The following ERICH1 variants were observed in gnomAD, a reference collection of about 807,000 sequenced individuals.
The protein encoded by ERICH1 is glutamate-rich protein 1.
A neutral mutation model predicts 39.6 loss-of-function variants in ERICH1; 56 were observed. The observed-to-expected ratio is 1.41, with a 90% confidence interval of 1.14 to 1.77. The LOEUF is 1.77. Among genes scored for constraint, ERICH1 ranks in the 40% most tolerant of loss-of-function variants. The pLI, the probability that ERICH1 is intolerant of heterozygous loss-of-function variation, is 0.00. For missense variants in ERICH1, 826 were observed against 575.4 expected, an observed-to-expected ratio of 1.44 and a Z score of -4.45; for synonymous variants, 313 against 223.6, an observed-to-expected ratio of 1.40 and a Z score of -3.57.
intron 1 of ERICH1, among the ~76,000 whole-genome samples, chr8:727,015 C>T (rs1475110403): frequency 2.0e-5 from 3 of 151,226 alleles, no homozygotes; most frequent in Admixed American, 6.6e-5. Flanking sequence ...CAGGCACACA[C>T]ATGCATGCAC....
At chr8:693,326 T>A (rs1288266978) in intron 2 of ERICH1, among the ~76,000 whole-genome samples, 1 of 152,238 alleles carries the variant, frequency 6.6e-6, no homozygotes, top group Non-Finnish European at 1.5e-5. Context: ...AAGTTATACA[T>A]TTGTATCTTA....
At chr8:624,960 T>A (rs1797517812) in intron 3 of ERICH1, among the ~76,000 whole-genome samples, 1 of 152,104 alleles carries the variant, frequency 6.6e-6, no homozygotes, top group South Asian at 2.1e-4. Flanking sequence ...TCTCCTGACC[T>A]CGTGATCCGC....
intron 3 of ERICH1, among the ~76,000 whole-genome samples, chr8:622,873 G>A (rs574366499): frequency 5.1e-4 from 78 of 152,018 alleles, no homozygotes; most frequent in Admixed American, 1.8e-3. Flanking sequence ...TGGAAGGATT[G>A]CTTGAGCCCA....
rs75475163 is a variant in ERICH1, at chr8:704,663, A to T, written c.169+11198T>A. Among the ~76,000 whole-genome samples, 155 of 152,302 alleles carry T rather than the reference A, an allele frequency of 1.0e-3. 4 individuals carry two copies. In the East Asian group the frequency reaches 0.027, roughly 26 times the overall value. On this transcript the variant is annotated intron_variant, in intron 2 of 5. Transcript: ENST00000262109. ...ATTGGAAGGACGGGGGTTGTAAAAA[A>T]TGTGCATCCATGGTGGGGGAAGCTG...
chr8:725,380 C>G (rs1054051571), intron 1 of ERICH1: 1 of 153,356 alleles, frequency 6.5e-6, no homozygotes, highest in African/African-American at 2.4e-5. Flanking sequence ...ACGGTGCTGC[C>G]GCCCACTTTA....
intron 3 of ERICH1, among the ~76,000 whole-genome samples, chr8:684,985 C>T (rs1451815322): frequency 1.3e-5 from 2 of 152,194 alleles, no homozygotes; most frequent in South Asian, 2.1e-4. Flanking sequence ...ACTGTGCATA[C>T]ATTGTCATTG....
At chr8:668,005 T>G (rs1464784563) in intron 5 of ERICH1, 1 of 164,706 alleles carries the variant, frequency 6.1e-6, no homozygotes, top group African/African-American at 2.4e-5. Context: ...GGTGGGCTGC[T>G]CTGCACTCAG....
Position 715,946 on chromosome 8 carries a change from C to T in ERICH1, c.84G>A (p.Arg28=). The T allele has an allele frequency of 6.2e-7, 1 of 1,613,932 alleles. No individual in the cohort carries two copies. The highest frequency in any genetic ancestry group is 8.5e-7 in the Non-Finnish European group (1 of 1,179,918). ...FPPVPSGQGK[R]EPQTLAVQNP... ...TTTGGACGGCCAGCGTCTGGGGTTC[C>T]CTCTTTCCTTGGCCACTTGGAACAG... Residue 28 remains arginine, a synonymous_variant, in exon 2 of 6, where the codon AGG becomes AGA. Transcript: ENST00000262109.
intron 3 of ERICH1, among the ~76,000 whole-genome samples, chr8:638,683 T>A (rs961785260): frequency 2.6e-5 from 4 of 152,182 alleles, no homozygotes; most frequent in Admixed American, 6.5e-5. Flanking sequence ...GTCTCCTGCC[T>A]TATGATAGCT....
intron 3 of ERICH1, among the ~76,000 whole-genome samples, chr8:686,192 T>C (rs1451743833): frequency 2.0e-5 from 3 of 152,070 alleles, no homozygotes; most frequent in East Asian, 3.9e-4. Flanking sequence ...TACCTTTTTT[T>C]CTCAGATACT....
At chr8:624,177 T>C (rs564685719) in intron 3 of ERICH1, among the ~76,000 whole-genome samples, 2 of 151,900 alleles carry the variant, frequency 1.3e-5, no homozygotes, top group South Asian at 4.2e-4. Flanking sequence ...AAAATGCAAA[T>C]CGAAACCACA....
intron 1 of ERICH1, among the ~76,000 whole-genome samples, chr8:727,657 G>A (rs1175328676): frequency 2.6e-5 from 4 of 152,220 alleles, no homozygotes; most frequent in Non-Finnish European, 4.4e-5. Context: ...TGTTCCCCAG[G>A]CTGACACCAG....
chr8:641,928 G>T (rs1439779485), intron 3 of ERICH1, among the ~76,000 whole-genome samples: 2 of 152,208 alleles, frequency 1.3e-5, no homozygotes, highest in Non-Finnish European at 2.9e-5. Context: ...CTGGTCTCAG[G>T]TCAATAGCTT....
At chr8:638,329 G>A (rs754715045) in intron 3 of ERICH1, among the ~76,000 whole-genome samples, 3 of 152,184 alleles carry the variant, frequency 2.0e-5, no homozygotes, top group African/African-American at 4.8e-5. Context: ...AGACAGCCAC[G>A]CTTGGGCACG....
intron 4 of ERICH1, among the ~76,000 whole-genome samples, chr8:669,744 T>C (rs987234686): frequency 6.6e-6 from 1 of 152,244 alleles, no homozygotes; most frequent in African/African-American, 2.4e-5. Flanking sequence ...AATCAGACTG[T>C]GGCTGTTTAG....
chr8:629,583 A>T (rs550162108), intron 3 of ERICH1, among the ~76,000 whole-genome samples: 1 of 137,950 alleles, frequency 7.2e-6, no homozygotes, highest in East Asian at 2.1e-4. Flanking sequence ...CCCGCCGGTG[A>T]CCACCCACAG....
At chr8:708,702 T>TTTG (rs1216048521) in intron 2 of ERICH1, among the ~76,000 whole-genome samples, 31,869 of 113,966 alleles carry the variant, frequency 0.28, 5,711 homozygotes, top group Non-Finnish European at 0.38. Flanking sequence ...TTTTTTTTTT[T>TTTG]TTTTTTTTTG....
Position 633,799 on chromosome 8 carries a change from C to T in ERICH1, c.977-18515G>A, listed in dbSNP as rs117150791. ...GGACTCCTCAATGGGAAAAGACAGCCGCTTCCACCGATGGTGCTGGGAAAC... is the reference window on the plus strand; with the variant it reads ...GGACTCCTCAATGGGAAAAGACAGCTGCTTCCACCGATGGTGCTGGGAAAC... On this transcript the variant is annotated intron_variant, in intron 3 of 3. Coordinates refer to the ERICH1 transcript ENST00000522706. Among the ~76,000 whole-genome samples, 50 of 152,300 alleles carry T rather than the reference C, an allele frequency of 3.3e-4. 1 individual carries two copies. The East Asian group carries it at 6.8e-3, about 21-fold the overall frequency.
Position 655,477 on chromosome 8 carries a change from G to T in ERICH1, c.976+13121C>A, listed in dbSNP as rs745832146. ...TACGTGTGCGTTTCGTGTTCTGGAC[G>T]ATGGTGCACCAGCACCTGCCCTTGC... On this transcript the variant is annotated intron_variant, in intron 3 of 3. Transcript: ENST00000522706. 1.6e-3 allele frequency among the ~76,000 whole-genome samples: 249 copies of T among 152,306 alleles called. 3 individuals carry two copies. The highest frequency in any genetic ancestry group is 1.3e-4 in the Non-Finnish European group (9 of 68,038).
Sources: allele counts gnomAD v4.1 joint callset (sites outside exome capture counted in the v4.1 genomes callset), GRCh38; gene constraint gnomAD v4.1.1; transcripts MANE v1.5; gene names NCBI Gene and HGNC (gene_info 2026-07-23, HGNC 2026-07-21).